RANBP2: variants seen among roughly 807,000 people sequenced by gnomAD.
RANBP2 encodes E3 SUMO-protein ligase RanBP2.
A neutral mutation model predicts 303.6 loss-of-function variants in RANBP2; 57 were observed. The observed-to-expected ratio is 0.19, with a 90% confidence interval of 0.15 to 0.23. The LOEUF is 0.23. RANBP2 is among the 10% of genes least tolerant of loss of function. The probability of loss-of-function intolerance (pLI) is 1.00; values close to 1 mark genes in which losing one functional copy is unlikely to be tolerated. For missense variants in RANBP2, 3,138 were observed against 3,780.8 expected (o/e 0.83, Z 4.46); for synonymous variants, 1,167 against 1,301.5 (o/e 0.90, Z 2.23).
At chr2:109,081,340 C>T in the RANBP2 span, among the ~76,000 whole-genome samples, 1 of 152,082 alleles carries the variant, frequency 6.6e-6, no homozygotes, top group Admixed American at 6.5e-5. Context: ...AGGAAATATA[C>T]ATCACCTCCA....
the RANBP2 span, among the ~76,000 whole-genome samples, chr2:109,249,551 C>CCTTCCTTT: frequency 7.8e-6 from 1 of 127,454 alleles, no homozygotes; most frequent in Non-Finnish European, 1.6e-5. Flanking sequence ...TTCCTTCCTT[C>CCTTCCTTT]CTTCCTTCCT....
the RANBP2 span, among the ~76,000 whole-genome samples, chr2:109,442,498 T>G: frequency 6.6e-6 from 1 of 152,134 alleles, no homozygotes; most frequent in Non-Finnish European, 1.5e-5. Context: ...TAAAATATAA[T>G]TGACTGTTTA....
At chr2:108,725,070 A>C (rs1008406370) in intron 1 of RANBP2, among the ~76,000 whole-genome samples, 1 of 152,182 alleles carries the variant, frequency 6.6e-6, no homozygotes, top group Non-Finnish European at 1.5e-5. Flanking sequence ...GATAGAGATG[A>C]TGTGGCATCT....
the RANBP2 span, among the ~76,000 whole-genome samples, chr2:109,322,874 T>C: frequency 6.6e-6 from 1 of 152,210 alleles, no homozygotes; most frequent in African/African-American, 2.4e-5. Context: ...TAAAGTTCCA[T>C]GCACAAACCT....
chr2:109,292,646 C>T, the RANBP2 span, among the ~76,000 whole-genome samples: 2 of 152,354 alleles, frequency 1.3e-5, no homozygotes, highest in Middle Eastern at 3.4e-3. Context: ...TCTATAGACT[C>T]TGCCTAGAAA....
chr2:108,731,608 T>C, intron 4 of RANBP2, 134 bp downstream of exon 4: 1 of 1,530,596 alleles, frequency 6.5e-7, no homozygotes. Context: ...TTTTAAAAAG[T>C]GTGTTAAAAC....
chr2:109,375,669 GC>G, the RANBP2 span, among the ~76,000 whole-genome samples: 1 of 152,240 alleles, frequency 6.6e-6, no homozygotes, highest in South Asian at 2.1e-4. Context: ...AGGATGGCAG[GC>G]GAGGGACTCC....
the RANBP2 span, chr2:109,615,445 C>T: frequency 1.9e-6 from 3 of 1,613,154 alleles, no homozygotes; most frequent in Non-Finnish European, 2.5e-6. Context: ...GAGCTTCTGG[C>T]CATGCTAGTC....
chr2:109,092,783 T>C, the RANBP2 span, among the ~76,000 whole-genome samples: 1 of 152,194 alleles, frequency 6.6e-6, no homozygotes, highest in Non-Finnish European at 1.5e-5. Context: ...GTTTGATTAA[T>C]AGAAAAAAGG....
At chr2:109,711,745 T>C in the RANBP2 span, among the ~76,000 whole-genome samples, 6 of 152,060 alleles carry the variant, frequency 3.9e-5, no homozygotes, top group Admixed American at 3.9e-4. Context: ...AATCACACAA[T>C]TATGAGGGGC....
the RANBP2 span, among the ~76,000 whole-genome samples, chr2:109,249,978 C>G: frequency 1.3e-5 from 2 of 151,890 alleles, no homozygotes; most frequent in Non-Finnish European, 2.9e-5. Flanking sequence ...GCCACCGCGC[C>G]CGGCCTGCAC....
the RANBP2 span, among the ~76,000 whole-genome samples, chr2:109,597,931 C>T: frequency 2.0e-5 from 3 of 152,268 alleles, no homozygotes; most frequent in African/African-American, 4.8e-5. Flanking sequence ...TGCTTCTTTT[C>T]CAACAGGCCC....
At chr2:109,317,538 C>T in the RANBP2 span, among the ~76,000 whole-genome samples, 1 of 152,128 alleles carries the variant, frequency 6.6e-6, no homozygotes, top group Non-Finnish European at 1.5e-5. Flanking sequence ...TTCTAGGTCT[C>T]GTTCTGCCGG....
At chr2:109,180,516 C>G in the RANBP2 span, among the ~76,000 whole-genome samples, 1 of 152,164 alleles carries the variant, frequency 6.6e-6, no homozygotes, top group Non-Finnish European at 1.5e-5. Context: ...ATTGTACTCT[C>G]ATAATTCCCA....
chr2:108,746,300 C>T (rs1558895270), intron 7 of RANBP2, among the ~76,000 whole-genome samples: 3 of 150,790 alleles, frequency 2.0e-5, no homozygotes, highest in Non-Finnish European at 4.4e-5. Context: ...ACAACCTCTG[C>T]CTCCCAGGTT....
chr2:108,798,396 C>A, the RANBP2 span: 1 of 1,585,412 alleles, frequency 6.3e-7, no homozygotes, highest in South Asian at 1.1e-5. Context: ...TGTGACTTTT[C>A]AAGAGCATTA....
At chr2:108,913,806 C>T in the RANBP2 span, among the ~76,000 whole-genome samples, 4 of 151,866 alleles carry the variant, frequency 2.6e-5, no homozygotes, top group Non-Finnish European at 5.9e-5. Flanking sequence ...AAAAATTAGC[C>T]GGGCGTGGTG....
the RANBP2 span, among the ~76,000 whole-genome samples, chr2:109,009,702 CTTTTTTTTGTT>C: frequency 8.1e-6 from 1 of 123,126 alleles, no homozygotes. Flanking sequence ...ACATTTTTAC[CTTTTTTTTGTT>C]TTTTTTTTTT....
chr2:109,120,538 G>A, the RANBP2 span, among the ~76,000 whole-genome samples: 1 of 152,038 alleles, frequency 6.6e-6, no homozygotes, highest in Non-Finnish European at 1.5e-5. Flanking sequence ...CTTCTTCTTG[G>A]ATGAGTGGGC....
Sources: gnomAD v4.1 joint callset for allele counts (sites outside exome capture counted in the v4.1 genomes callset) on GRCh38, gnomAD v4.1.1 for gene constraint, MANE v1.5 for transcripts, NCBI Gene and HGNC (gene_info 2026-07-23, HGNC 2026-07-21) for gene names.